OXR1: variants seen among roughly 807,000 people sequenced by gnomAD.
OXR1 encodes oxidation resistance 1.
OXR1 carries 41 observed loss-of-function variants against 104.6 expected under a neutral mutation model. The ratio of observed to expected loss-of-function variants is 0.39; its 90% CI spans 0.31 to 0.51. OXR1 has a LOEUF of 0.51. Ranked by LOEUF, OXR1 falls within the 20% of genes least tolerant of loss-of-function variation. The pLI is 0.77. For synonymous variants in OXR1, 348 were observed against 348.4 expected, an observed-to-expected ratio of 1.00 and a Z score of 0.01; for missense variants, 955 against 1,031.9, an observed-to-expected ratio of 0.93 and a Z score of 1.02.
chr8:106,288,629 T>A (rs991950961), intron 1 of OXR1, among the ~76,000 whole-genome samples: 1 of 148,220 alleles, frequency 6.7e-6, no homozygotes, highest in Non-Finnish European at 1.5e-5. Flanking sequence ...TACACATACA[T>A]TATATATTAA....
intron 3 of OXR1, among the ~76,000 whole-genome samples, chr8:106,596,440 C>G (rs976563796): frequency 6.6e-6 from 1 of 151,650 alleles, no homozygotes; most frequent in African/African-American, 2.4e-5. Flanking sequence ...GAGTCTCACT[C>G]TGTCTCAAAA....
chr8:106,606,678 C>A (rs1045140340), intron 3 of OXR1, among the ~76,000 whole-genome samples: 2 of 152,006 alleles, frequency 1.3e-5, no homozygotes, highest in African/African-American at 4.8e-5. Context: ...TTTTTGATTA[C>A]AATGGGCCCA....
intron 2 of OXR1, among the ~76,000 whole-genome samples, chr8:106,402,996 A>G (rs1283928214): frequency 6.6e-6 from 1 of 151,894 alleles, no homozygotes; most frequent in East Asian, 1.9e-4. Context: ...AAATTTTTGT[A>G]TTTTTAGTAC....
intron 1 of OXR1, among the ~76,000 whole-genome samples, chr8:106,274,014 C>G (rs1173303305): frequency 2.1e-4 from 32 of 152,080 alleles, no homozygotes; most frequent in Non-Finnish European, 1.5e-5. Flanking sequence ...CTTGTAAGTT[C>G]TTTATCAAGT....
At chr8:106,467,411 A>C (rs1821231280) in intron 2 of OXR1, among the ~76,000 whole-genome samples, 1 of 151,786 alleles carries the variant, frequency 6.6e-6, no homozygotes, top group African/African-American at 2.4e-5. Context: ...CCCTATTTGC[A>C]AGTTAGCCTG....
intron 16 of OXR1, among the ~76,000 whole-genome samples, chr8:106,749,271 A>G (rs1360634165): frequency 6.6e-6 from 1 of 150,692 alleles, no homozygotes; most frequent in Non-Finnish European, 1.5e-5. Context: ...TGAACCCAGG[A>G]GGCGGAGCTT....
rs59515650 is a variant in OXR1 at position 106,281,799 on chromosome 8, CAAAAAAA to C, written c.-139+11450_-139+11456del. On this transcript the variant is annotated intron_variant, in intron 1 of 16. Transcript: ENST00000517566. ...TGGGTGACAGAGCAAGACTCTATCT[CAAAAAAA>C]AAAAAAAAAAAAAAAAAGACACTTA... is the stretch of plus-strand genomic sequence containing the variant. Among the ~76,000 whole-genome samples the C allele has an allele frequency of 1.4e-4, 9 of 62,950 alleles. No homozygotes were observed. The East Asian group carries it at 6.4e-3, about 45-fold the overall frequency. The allele number at this position is 62,950 out of a possible 152,430, so 41.3% of individuals were successfully genotyped here.
chr8:106,697,477 C>A, intron 7 of OXR1: 3 of 1,601,586 alleles, frequency 1.9e-6, no homozygotes, highest in Admixed American at 1.7e-5. Flanking sequence ...TGAGATGCCC[C>A]CCATCTGTAG....
chr8:106,323,660 A>G (rs1814327727), intron 1 of OXR1, among the ~76,000 whole-genome samples: 1 of 152,182 alleles, frequency 6.6e-6, no homozygotes, highest in Admixed American at 6.6e-5. Context: ...AAATAAATTT[A>G]CAAGATAAAA....
intron 3 of OXR1, among the ~76,000 whole-genome samples, chr8:106,595,731 A>T (rs1819481397): frequency 1.3e-5 from 2 of 152,128 alleles, no homozygotes; most frequent in South Asian, 4.1e-4. Context: ...ATAATCCCAC[A>T]TGCCTCATAG....
chr8:106,372,268 A>G (rs369909652), intron 2 of OXR1, among the ~76,000 whole-genome samples: 7 of 152,072 alleles, frequency 4.6e-5, no homozygotes, highest in East Asian at 3.9e-4. Flanking sequence ...GGGGTTCCCC[A>G]TCTCCCTGTG....
intron 2 of OXR1, among the ~76,000 whole-genome samples, chr8:106,450,209 G>T (rs1820237373): frequency 6.6e-6 from 1 of 152,268 alleles, no homozygotes; most frequent in South Asian, 2.1e-4. Context: ...GCTAAGGTCT[G>T]CTTATGAAGA....
intron 2 of OXR1, among the ~76,000 whole-genome samples, chr8:106,405,202 A>AGTGTGTGTGT (rs58338664): frequency 2.5e-4 from 5 of 20,026 alleles, no homozygotes; most frequent in African/African-American, 1.1e-3. Flanking sequence ...ATATATATAT[A>AGTGTGTGTGT]GTGTGTGTGT....
intron 2 of OXR1, among the ~76,000 whole-genome samples, chr8:106,407,937 C>A (rs556168015): frequency 2.0e-5 from 3 of 152,134 alleles, no homozygotes; most frequent in African/African-American, 7.2e-5. Flanking sequence ...TTCCCCACTA[C>A]GTTTTGTGCT....
chr8:106,465,756 A>T (rs978139137), intron 2 of OXR1, among the ~76,000 whole-genome samples: 11 of 151,992 alleles, frequency 7.2e-5, no homozygotes, highest in Non-Finnish European at 1.3e-4. Flanking sequence ...AAACATCATG[A>T]CCTGTCAACA....
At chr8:106,730,969 A>G (rs1833835853) in intron 11 of OXR1, among the ~76,000 whole-genome samples, 1 of 152,166 alleles carries the variant, frequency 6.6e-6, no homozygotes, top group Non-Finnish European at 1.5e-5. Flanking sequence ...GGCTGTACCC[A>G]TTTTGCATGG....
intron 1 of OXR1, among the ~76,000 whole-genome samples, chr8:106,304,987 A>G (rs751775278): frequency 2.6e-5 from 4 of 152,168 alleles, no homozygotes; most frequent in Non-Finnish European, 5.9e-5. Flanking sequence ...ATAAATATTT[A>G]TATCAAAATT....
At chr8:106,661,553 A>G (rs574267947) in intron 3 of OXR1, among the ~76,000 whole-genome samples, 11 of 152,248 alleles carry the variant, frequency 7.2e-5, no homozygotes, top group Non-Finnish European at 1.2e-4. Context: ...CTCATAATGT[A>G]TAATCTTTAA....
chr8:106,449,597 C>G (rs1473024458), intron 2 of OXR1, among the ~76,000 whole-genome samples: 1 of 152,148 alleles, frequency 6.6e-6, no homozygotes, highest in Admixed American at 6.6e-5. Flanking sequence ...TCCAGCTCCA[C>G]GCAGCTAGTA....
Sources: gnomAD v4.1 joint callset for allele counts (sites outside exome capture counted in the v4.1 genomes callset) on GRCh38, gnomAD v4.1.1 for gene constraint, MANE v1.5 for transcripts, NCBI Gene and HGNC (gene_info 2026-07-23, HGNC 2026-07-21) for gene names.